DIS3L2: variants seen among roughly 807,000 people sequenced by gnomAD.
DIS3L2 encodes DIS3-like exonuclease 2.
DIS3L2 carries 34 observed loss-of-function variants against 97.5 expected under a neutral mutation model. The observed-to-expected ratio is 0.35, with a 90% CI of 0.27 to 0.46. The LOEUF (loss-of-function observed/expected upper bound fraction) is 0.46, where lower values mean the gene tolerates loss of function less well. DIS3L2 is among the 20% of genes least tolerant of loss of function. DIS3L2 has a pLI of 1.00. For synonymous variants in DIS3L2, 435 were observed against 445.2 expected (o/e 0.98, Z 0.29); for missense variants, 1,038 against 1,146.0 (o/e 0.91, Z 1.36).
intron 5 of DIS3L2, among the ~76,000 whole-genome samples, chr2:232,063,803 C>T (rs1396112709): frequency 1.3e-5 from 2 of 151,946 alleles, no homozygotes; most frequent in Non-Finnish European, 2.9e-5. Flanking sequence ...ATGTGGTTTT[C>T]GAAAATGCCT....
At chr2:232,329,785 T>TCCCCGGGCCCCCCCCC in intron 14 of DIS3L2, 28 bp from the exon 15 acceptor site, 4 of 967,138 alleles carry the variant, frequency 4.1e-6, no homozygotes, top group East Asian at 3.1e-5. Flanking sequence ...ACCCCAGCGG[T>TCCCCGGGCCCCCCCCC]CCCTCCCATC....
rs1435806436 is a variant in DIS3L2, at chr2:232,293,858, A to G, written c.1660-6182A>G. ...TTTATGCTTCAGGAAAATAACAGCTATGTTCTAGAGAGCGGATTAGGAGAA... is the reference window on the plus strand; with the variant it reads ...TTTATGCTTCAGGAAAATAACAGCTGTGTTCTAGAGAGCGGATTAGGAGAA... On this transcript the variant is annotated intron_variant, in intron 13 of 20. Transcript: ENST00000325385. This position sits in a 1 kb window ranked among gnomAD's most constrained non-coding sequence, Gnocchi z 4.6. Among the ~76,000 whole-genome samples, 3 of 152,208 alleles carry G rather than the reference A, an allele frequency of 2.0e-5. No individual in the cohort carries two copies. The highest frequency in any genetic ancestry group is 7.2e-5 in the African/African-American group (3 of 41,442).
chr2:232,086,659 ATGTGTG>A (rs753898708), intron 5 of DIS3L2, among the ~76,000 whole-genome samples: 6 of 92,492 alleles, frequency 6.5e-5, no homozygotes, highest in South Asian at 3.2e-4. Flanking sequence ...ATATATATAT[ATGTGTG>A]TGTGTGTGTG....
intron 6 of DIS3L2, among the ~76,000 whole-genome samples, chr2:232,105,875 C>T (rs1697345222): frequency 1.3e-5 from 2 of 152,192 alleles, no homozygotes; most frequent in Admixed American, 6.5e-5. Context: ...TGCCTATCAT[C>T]CCCATGGCTT....
intron 1 of DIS3L2, among the ~76,000 whole-genome samples, chr2:232,006,023 A>T (rs1694044243): frequency 6.6e-6 from 1 of 152,138 alleles, no homozygotes; most frequent in African/African-American, 2.4e-5. Context: ...CCCTGTCTCT[A>T]CTAAAAATAC....
chr2:232,067,373 T>A (rs1695880973), intron 5 of DIS3L2, among the ~76,000 whole-genome samples: 1 of 152,216 alleles, frequency 6.6e-6, no homozygotes, highest in African/African-American at 2.4e-5. Context: ...AAGTTTTCTT[T>A]GTATTTTTTT....
chr2:232,221,124 T>C (rs1025711655), intron 10 of DIS3L2, among the ~76,000 whole-genome samples: 1 of 135,022 alleles, frequency 7.4e-6, no homozygotes, highest in Non-Finnish European at 1.6e-5. Flanking sequence ...AAAAAAAAGT[T>C]TGTTTTTAAT....
intron 13 of DIS3L2, among the ~76,000 whole-genome samples, chr2:232,295,534 C>G (rs2106316768): frequency 1.3e-5 from 2 of 152,326 alleles, no homozygotes; most frequent in Middle Eastern, 6.8e-3. Context: ...ACTCCACCAT[C>G]CATAGTGCCT....
At chr2:232,238,512 G>C (rs1203242999) in intron 10 of DIS3L2, 21 bp from the exon 11 acceptor site, 2 of 1,605,002 alleles carry the variant, frequency 1.2e-6, no homozygotes, top group Non-Finnish European at 1.7e-6. Context: ...CAGCCTGATA[G>C]TCCTTCTCGT....
At chr2:232,094,150 T>C (rs1696928153) in intron 6 of DIS3L2, among the ~76,000 whole-genome samples, 1 of 152,274 alleles carries the variant, frequency 6.6e-6, no homozygotes, top group Non-Finnish European at 1.5e-5. Flanking sequence ...GTTATTGATT[T>C]CTAGTTTTGT....
intron 1 of DIS3L2, among the ~76,000 whole-genome samples, chr2:232,005,684 T>C (rs972181531): frequency 5.9e-5 from 9 of 152,342 alleles, no homozygotes; most frequent in African/African-American, 2.2e-4. Flanking sequence ...TAGGTAGTTG[T>C]TTCTGATTTT....
intron 14 of DIS3L2, among the ~76,000 whole-genome samples, chr2:232,310,842 A>G (rs933217342): frequency 6.6e-6 from 1 of 152,246 alleles, no homozygotes; most frequent in Admixed American, 6.5e-5. Flanking sequence ...GGCCTGGGGC[A>G]GCACAGCTGC....
rs1574873601 is a variant in DIS3L2, at chr2:232,098,434, A to T, written c.601+10713A>T. ...AGTGACACCATCTTGGCTCACTTTA[A>T]CCTCCACCTCCTGGGTTCAAACGAT... is the stretch of plus-strand genomic sequence containing the variant. On this transcript the variant is annotated intron_variant, in intron 6 of 20. Transcript: ENST00000325385. Among the ~76,000 whole-genome samples, 4 of 150,726 alleles carry T rather than the reference A, an allele frequency of 2.7e-5. No individual in the cohort carries two copies. The South Asian group carries it at 8.4e-4, about 32-fold the overall frequency.
At chr2:232,326,709 G>C (rs1195501425) in intron 14 of DIS3L2, among the ~76,000 whole-genome samples, 2 of 147,064 alleles carry the variant, frequency 1.4e-5, no homozygotes, top group Non-Finnish European at 3.0e-5. Context: ...TAACTAGTTG[G>C]GCCAGAGCTC....
At chr2:232,032,188 T>C (rs1373562709) in intron 5 of DIS3L2, among the ~76,000 whole-genome samples, 3 of 152,254 alleles carry the variant, frequency 2.0e-5, no homozygotes, top group African/African-American at 7.2e-5. Context: ...CCTGACTTTT[T>C]AGTGATCTCC....
chr2:232,006,142 G>A (rs977118715), intron 1 of DIS3L2, among the ~76,000 whole-genome samples: 1 of 152,168 alleles, frequency 6.6e-6, no homozygotes, highest in Non-Finnish European at 1.5e-5. Context: ...AGCCAAGATC[G>A]TGTCACTGCA....
intron 9 of DIS3L2, among the ~76,000 whole-genome samples, chr2:232,175,042 T>C (rs1046238410): frequency 6.6e-6 from 1 of 152,078 alleles, no homozygotes; most frequent in Non-Finnish European, 1.5e-5. Flanking sequence ...TTGCCCGGGC[T>C]GCTCTTGAAC....
Position 232,021,861 on chromosome 2 carries a change from GC to G in DIS3L2, c.211-2415del, listed in dbSNP as rs1375189693. On this transcript the variant is annotated intron_variant, in intron 3 of 20. Transcript: ENST00000325385. ...GAGATAAAATAGACTCCCTCTGAGA[GC>G]ACTCGAGAGAAGCAATCACTTCAGG... Among the ~76,000 whole-genome samples the G allele has an allele frequency of 3.3e-5, 5 of 152,284 alleles. 1 individual carries two copies. The South Asian group carries it at 8.3e-4, about 25-fold the overall frequency.
chr2:232,326,618 A>G (rs80072042), intron 14 of DIS3L2, among the ~76,000 whole-genome samples: 20,071 of 137,230 alleles, frequency 0.15, 2,005 homozygotes, highest in African/African-American at 0.2. Context: ...CCAAGGCTGC[A>G]CCTGGGAAGT....
Sources: gnomAD v4.1 joint callset for allele counts (sites outside exome capture counted in the v4.1 genomes callset) on GRCh38, gnomAD v4.1.1 for gene constraint, Gnocchi (gnomAD v3.1) non-coding constraint, MANE v1.5 for transcripts, NCBI Gene and HGNC (gene_info 2026-07-23, HGNC 2026-07-21) for gene names.